The following ZFYVE28 variants were observed in gnomAD, a reference collection of about 807,000 sequenced individuals.
ZFYVE28 encodes the protein lateral signaling target protein 2 homolog.
In ZFYVE28, 40 loss-of-function variants were observed where a neutral mutation model predicts 82.1. The ratio of observed to expected loss-of-function variants is 0.49; its 90% CI spans 0.38 to 0.63. ZFYVE28 has a LOEUF of 0.63. Among genes scored for constraint, ZFYVE28 ranks in the 30% least tolerant of loss-of-function variants. ZFYVE28 has a pLI of 0.00. For missense variants in ZFYVE28, 1,321 were observed against 1,242.1 expected (o/e 1.06, Z -0.96); for synonymous variants, 612 against 546.1 (o/e 1.12, Z -1.68).
At chr4:2,281,639 A>G (rs1021543100) in intron 8 of ZFYVE28, among the ~76,000 whole-genome samples, 12 of 152,160 alleles carry the variant, frequency 7.9e-5, no homozygotes, top group African/African-American at 2.7e-4. Flanking sequence ...TCACCTCTTT[A>G]AGGTCCCCCC....
Position 2,305,341 on chromosome 4 carries a change from G to A in ZFYVE28, c.999C>T (p.Cys333=). The change falls in exon 8 of 13, where the codon TGC becomes TGT. Residue 333 remains cysteine (C), a synonymous_variant. Transcript: ENST00000290974. ...KAKDPDAELA[C]SMQYDDQELE... is the part of the protein sequence containing the mutation. ...GCTCCTGGTCGTCGTACTGCATGGA[G>A]CAGGCCAGCTCTGCATCCGGGTCTT... 2 of 1,613,050 alleles carry A rather than the reference G, an allele frequency of 1.2e-6. No homozygotes were observed. The highest frequency in any genetic ancestry group is 2.2e-5 in the East Asian group (1 of 44,878).
intron 10 of ZFYVE28, among the ~76,000 whole-genome samples, chr4:2,272,747 G>C (rs1736024224): frequency 6.6e-6 from 1 of 152,248 alleles, no homozygotes; most frequent in South Asian, 2.1e-4. Flanking sequence ...GCTCTCGGTA[G>C]AAGAGACGTG....
At chr4:2,286,627 G>C (rs989412728) in intron 8 of ZFYVE28, 19 of 152,268 alleles carry the variant, frequency 1.2e-4, no homozygotes, top group African/African-American at 4.3e-4. Flanking sequence ...ACACAGCCCA[G>C]CTAGCTGATG....
At chr4:2,329,555 A>G (rs572839323) in intron 6 of ZFYVE28, among the ~76,000 whole-genome samples, 1 of 152,348 alleles carries the variant, frequency 6.6e-6, no homozygotes. Flanking sequence ...GTGCAAAAGT[A>G]ATTGCAATTT....
intron 6 of ZFYVE28, chr4:2,330,592 C>G (rs3135115): frequency 0.31 from 398,641 of 1,270,216 alleles, 65,322 homozygotes; most frequent in Middle Eastern, 0.34. Context: ...AATGGGATAG[C>G]ATAGAGGAGG....
In ZFYVE28 at chr4:2,418,187, A is replaced by G; in HGVS notation, c.39+98T>C. On this transcript the variant is annotated intron_variant, in intron 1 of 12. Transcript: ENST00000290974. This position sits in a 1 kb window ranked among gnomAD's most constrained non-coding sequence, Gnocchi z 4.6. ...CGGTGGGGGAAGAGGCCGGCCACGG[A>G]CAGGGAAAGGGAGTCCGTCTTGTAG... 1.7e-6 allele frequency: 2 copies of G among 1,199,982 alleles called. No homozygotes were observed. The highest frequency in any genetic ancestry group is 2.3e-6 in the Non-Finnish European group (2 of 887,954). The allele number at this position is 1,199,982 out of a possible 1,614,324, so 74.3% of individuals were successfully genotyped here.
intron 8 of ZFYVE28, among the ~76,000 whole-genome samples, chr4:2,303,013 A>T (rs1357730603): frequency 6.6e-6 from 1 of 152,178 alleles, no homozygotes; most frequent in Non-Finnish European, 1.5e-5. Context: ...CCTGTACGTG[A>T]ATGTGTTAAC....
chr4:2,335,709 C>G lies in ZFYVE28; in HGVS notation c.697G>C (p.Val233Leu), dbSNP rs952846570. ...LMFSIPRLAI[V>L]CGLVVYADGP... ...CTGGGCACAGGAGGCACTCACCACA[C>G]GATGGCCAGCCTGGGGATGCTGAAC... Residue 233 changes from valine (V) to leucine (L), a missense_variant, in exon 6 of 13, where the codon GTG becomes CTG. Val to Leu is a conservative substitution (Grantham distance 32). Around this residue, in one of 2 missense-constraint regions of ZFYVE28, gnomAD observed 343 missense variants for 408.4 expected, o/e 0.84. Transcript: ENST00000290974. This position sits in a 1 kb window ranked among gnomAD's most constrained non-coding sequence, Gnocchi z 5.8. 1.3e-6 allele frequency: 2 copies of G among 1,572,048 alleles called. No homozygotes were observed. Among genetic ancestry groups the G allele is most frequent in the Non-Finnish European group, 8.6e-7 (1 of 1,158,506 alleles).
intron 1 of ZFYVE28, among the ~76,000 whole-genome samples, chr4:2,410,654 C>A (rs1013505115): frequency 6.6e-6 from 1 of 152,036 alleles, no homozygotes; most frequent in Non-Finnish European, 1.5e-5. Context: ...CGCCACCACA[C>A]CCGGCTAATT....
intron 1 of ZFYVE28, among the ~76,000 whole-genome samples, chr4:2,407,797 A>C (rs1410498382): frequency 6.6e-6 from 1 of 152,178 alleles, no homozygotes; most frequent in African/African-American, 2.4e-5. Flanking sequence ...CATGTTGGCC[A>C]GGCTGGTCTT....
chr4:2,282,827 C>G (rs1712133238), intron 8 of ZFYVE28, among the ~76,000 whole-genome samples: 1 of 152,242 alleles, frequency 6.6e-6, no homozygotes, highest in South Asian at 2.1e-4. Flanking sequence ...GCCTGTAGTC[C>G]CAGCTACGGG....
At chr4:2,415,085 G>T (rs1213972320) in intron 1 of ZFYVE28, among the ~76,000 whole-genome samples, 1 of 152,150 alleles carries the variant, frequency 6.6e-6, no homozygotes, top group African/African-American at 2.4e-5. Context: ...GACTGATTAA[G>T]AAAGTGAATA....
intron 6 of ZFYVE28, among the ~76,000 whole-genome samples, chr4:2,334,900 T>TC (rs1379678242): frequency 3.1e-5 from 4 of 130,244 alleles, no homozygotes; most frequent in Admixed American, 7.8e-5. Flanking sequence ...CTCTCTGTGG[T>TC]CCACTCACTC....
intron 1 of ZFYVE28, among the ~76,000 whole-genome samples, chr4:2,359,401 C>T (rs1365439819): frequency 6.6e-6 from 1 of 152,168 alleles, no homozygotes; most frequent in Non-Finnish European, 1.5e-5. Context: ...ACTGGGATTA[C>T]AGGCATAAGC....
chr4:2,336,610 C>A (rs909978041), intron 5 of ZFYVE28, among the ~76,000 whole-genome samples: 3 of 149,868 alleles, frequency 2.0e-5, no homozygotes, highest in African/African-American at 7.4e-5. Flanking sequence ...AGACTTAAAA[C>A]TCAGCAAAAA....
At chr4:2,376,367 T>G (rs1327657404) in intron 1 of ZFYVE28, among the ~76,000 whole-genome samples, 2 of 61,160 alleles carry the variant, frequency 3.3e-5, no homozygotes, top group Non-Finnish European at 3.0e-5. Context: ...TGAGACCCTA[T>G]CTCTAAAAAA....
rs1282253132 is a variant in ZFYVE28 at position 2,339,901 on chromosome 4, G to T, written c.319-246C>A. On this transcript the variant is annotated intron_variant, in intron 3 of 12. Coordinates refer to ENST00000290974, the MANE Select transcript of ZFYVE28 (RefSeq NM_020972.3). This position sits in a 1 kb window ranked among gnomAD's most constrained non-coding sequence, Gnocchi z 5.0. Reference sequence around the variant, plus strand: ...GGGCCCCAGGAGCAGGGAGGGCAGGGCATGGCAGGGCAGGTAAGGGCAGGG... The same window carrying T: ...GGGCCCCAGGAGCAGGGAGGGCAGGTCATGGCAGGGCAGGTAAGGGCAGGG... Among the ~76,000 whole-genome samples, 13 of 148,202 alleles carry T rather than the reference G, an allele frequency of 8.8e-5. No individual in the cohort carries two copies. Among genetic ancestry groups the T allele is most frequent in the African/African-American group, 3.2e-4 (13 of 40,564 alleles).
At chr4:2,337,888 A>ACACACACACACACACACACG (rs1390610932) in intron 4 of ZFYVE28, among the ~76,000 whole-genome samples, 1 of 151,348 alleles carries the variant, frequency 6.6e-6, no homozygotes, top group East Asian at 2.0e-4. Flanking sequence ...ACACACACAC[A>ACACACACACACACACACACG]CCCTACACCA....
chr4:2,338,453 C>T (rs1015223195), intron 4 of ZFYVE28, among the ~76,000 whole-genome samples: 2 of 152,012 alleles, frequency 1.3e-5, no homozygotes, highest in South Asian at 2.1e-4. Context: ...ATGAGCCAGG[C>T]GTGGTGGTGG....
Sources: gnomAD v4.1 joint callset for allele counts (sites outside exome capture counted in the v4.1 genomes callset) on GRCh38, gnomAD v4.1.1 for gene constraint, gnomAD v4.1.1 regional missense constraint, Gnocchi (gnomAD v3.1) non-coding constraint, MANE v1.5 for transcripts, NCBI Gene and HGNC (gene_info 2026-07-23, HGNC 2026-07-21) for gene names.